PLEKHM3: variants seen among roughly 807,000 people sequenced by gnomAD.
PLEKHM3 encodes the protein pleckstrin homology domain containing M3, also known as pleckstrin homology domain-containing family M member 3.
A neutral mutation model predicts 81.8 loss-of-function variants in PLEKHM3; 45 were observed. The observed-to-expected ratio is 0.55, with a 90% confidence interval of 0.43 to 0.71. The LOEUF (loss-of-function observed/expected upper bound fraction) is 0.71, where lower values mean the gene tolerates loss of function less well. Among genes scored for constraint, PLEKHM3 ranks in the 30% least tolerant of loss-of-function variants. PLEKHM3 has a pLI of 0.00. For synonymous variants in PLEKHM3, 352 were observed against 356.4 expected (o/e 0.99, Z 0.14); for missense variants, 788 against 924.3 (o/e 0.85, Z 1.91).
chr2:207,947,667 A>G (rs183359992), intron 3 of PLEKHM3, among the ~76,000 whole-genome samples: 251 of 152,340 alleles, frequency 1.6e-3, no homozygotes, highest in Non-Finnish European at 2.9e-3. Context: ...CACTAAGCCT[A>G]TTTCATGAAG....
At chr2:207,938,557 T>C (rs927386717) in intron 4 of PLEKHM3, among the ~76,000 whole-genome samples, 3 of 152,182 alleles carry the variant, frequency 2.0e-5, no homozygotes, top group African/African-American at 7.2e-5. Flanking sequence ...TCCTCACAAT[T>C]AGGAGAATTA....
At chr2:207,908,717 G>A in intron 5 of PLEKHM3, 140 bp from the exon 6 acceptor site, 1 of 652,206 alleles carries the variant, frequency 1.5e-6, no homozygotes, top group Non-Finnish European at 2.6e-6. Flanking sequence ...GCCCTCTGAG[G>A]AACCTGTAAT....
Position 207,827,436 on chromosome 2 carries a change from TC to T in PLEKHM3, c.*882del, listed in dbSNP as rs1309779285. 6.6e-6 allele frequency: 1 copy of T among 151,988 alleles called. No individual in the cohort carries two copies. Among genetic ancestry groups the T allele is most frequent in the Non-Finnish European group, 1.5e-5 (1 of 68,042 alleles). 9.4% of individuals were successfully genotyped at this position (151,988 alleles called of 1,614,324 possible). ...TTAACAACCACCCCAGGACATTTCC[TC>T]CGGCCAGCATCATGAAAAAAATCAT... is the stretch of plus-strand genomic sequence containing the variant. On this transcript the variant is annotated 3_prime_UTR_variant, in exon 8 of 8. Coordinates refer to ENST00000427836, the MANE Select transcript of PLEKHM3 (RefSeq NM_001080475.3).
intron 7 of PLEKHM3, among the ~76,000 whole-genome samples, chr2:207,855,513 C>T (rs181282140): frequency 1.8e-4 from 27 of 152,296 alleles, no homozygotes; most frequent in Non-Finnish European, 3.8e-4. Flanking sequence ...GCTCCCCACT[C>T]CTTAAGTGTG....
At chr2:207,890,371 T>C (rs771628966) in intron 6 of PLEKHM3, among the ~76,000 whole-genome samples, 21 of 151,984 alleles carry the variant, frequency 1.4e-4, no homozygotes, top group Non-Finnish European at 2.9e-4. Flanking sequence ...CTCACGCCTG[T>C]AATCCCAGCA....
chr2:207,976,941 T>C lies in PLEKHM3; in HGVS notation c.1256A>G (p.Asp419Gly). 3 of 1,614,204 alleles carry C rather than the reference T, an allele frequency of 1.9e-6. No individual in the cohort carries two copies. Among genetic ancestry groups the C allele is most frequent in the Non-Finnish European group, 2.5e-6 (3 of 1,180,036 alleles). The change falls in exon 3 of 8, where the codon GAT becomes GGT. Residue 419 changes from aspartate (D) to glycine (G), a missense_variant. Transcript: ENST00000427836. The surrounding 1 kb of genome is among the most constrained non-coding windows in gnomAD (Gnocchi z 4.1). ...GACTTGAAAGCAAGAGTCGCAGCCATCCAGGTTGTCCATCTGGACAGCCAG... is the reference window on the plus strand; with the variant it reads ...GACTTGAAAGCAAGAGTCGCAGCCACCCAGGTTGTCCATCTGGACAGCCAG... The part of the protein sequence containing the change: ...VCLAVQMDNL[D>G]GCDSCFQVIF...
intron 5 of PLEKHM3, among the ~76,000 whole-genome samples, chr2:207,914,178 C>T (rs953950342): frequency 3.3e-5 from 5 of 151,912 alleles, no homozygotes; most frequent in African/African-American, 9.7e-5. Context: ...CATAGCAAGA[C>T]CCTATCTCTA....
intron 7 of PLEKHM3, among the ~76,000 whole-genome samples, chr2:207,854,202 G>A (rs1379665444): frequency 6.6e-6 from 1 of 152,144 alleles, no homozygotes; most frequent in Non-Finnish European, 1.5e-5. Flanking sequence ...AGGGTATGTG[G>A]TAACAAATTC....
intron 3 of PLEKHM3, among the ~76,000 whole-genome samples, chr2:207,965,635 TA>T (rs1302493091): frequency 1.3e-5 from 2 of 152,240 alleles, no homozygotes; most frequent in Non-Finnish European, 2.9e-5. Context: ...TGAAATAGTT[TA>T]AAACACAAAT....
At chr2:207,949,821 T>C (rs1333577711) in intron 3 of PLEKHM3, among the ~76,000 whole-genome samples, 1 of 152,222 alleles carries the variant, frequency 6.6e-6, no homozygotes, top group East Asian at 1.9e-4. Context: ...AAGCATTTGC[T>C]GGATATTTAT....
intron 6 of PLEKHM3, 58 bp downstream of exon 6, chr2:207,908,456 A>G (rs1574394997): frequency 8.6e-6 from 13 of 1,512,286 alleles, no homozygotes; most frequent in Non-Finnish European, 1.2e-5. Context: ...GACCAAAGTC[A>G]ACAAAGAGAC....
At chr2:207,930,033 G>A (rs1252506045) in intron 5 of PLEKHM3, 4 of 574,674 alleles carry the variant, frequency 7.0e-6, no homozygotes, top group Admixed American at 2.9e-5. Context: ...ATATGCCAAG[G>A]GTGAGACTTT....
intron 2 of PLEKHM3, among the ~76,000 whole-genome samples, chr2:207,983,898 C>G (rs72969822): frequency 0.12 from 17,576 of 152,204 alleles, 1,137 homozygotes; most frequent in Non-Finnish European, 0.13. Context: ...GTTGAGTCCT[C>G]CTCCTTCCTG....
chr2:207,865,028 T>C (rs2092487781), intron 6 of PLEKHM3, among the ~76,000 whole-genome samples: 1 of 152,240 alleles, frequency 6.6e-6, no homozygotes, highest in African/African-American at 2.4e-5. Context: ...GAATTTCCAT[T>C]GATGCTAATT....
chr2:207,980,774 T>C (rs1691494774), intron 2 of PLEKHM3, among the ~76,000 whole-genome samples: 1 of 152,096 alleles, frequency 6.6e-6, no homozygotes, highest in Non-Finnish European at 1.5e-5. Context: ...TTTCACCATA[T>C]TGCCAAGGCT....
chr2:207,929,517 T>G (rs760624400), intron 5 of PLEKHM3, among the ~76,000 whole-genome samples: 1 of 152,226 alleles, frequency 6.6e-6, no homozygotes, highest in Non-Finnish European at 1.5e-5. Flanking sequence ...GAACATACTT[T>G]GAACATTAAA....
At chr2:207,974,918 G>A (rs191442704) in intron 3 of PLEKHM3, among the ~76,000 whole-genome samples, 102 of 149,968 alleles carry the variant, frequency 6.8e-4, no homozygotes, top group Middle Eastern at 3.4e-3. Context: ...TGAAACCTCC[G>A]CCTCCCAGGT....
chr2:207,921,952 C>A (rs550561115), intron 5 of PLEKHM3, among the ~76,000 whole-genome samples: 8 of 152,292 alleles, frequency 5.3e-5, no homozygotes, highest in Admixed American at 4.6e-4. Flanking sequence ...ATAAGGGGAG[C>A]AGATATCCAT....
chr2:207,828,405 G>C lies in PLEKHM3; in HGVS notation c.2200C>G (p.Gln734Glu), dbSNP rs773072356. The C allele has an allele frequency of 6.2e-7, 1 of 1,614,072 alleles. No homozygotes were observed. The highest frequency in any genetic ancestry group is 8.5e-7 in the Non-Finnish European group (1 of 1,180,026). ...TTCAGTCTCTGCCAGAAAGACTTCT[G>C]CTTCTTCTGCAGCTCTCGGCGAACA... ...RCVRRELQKK[Q>E]KSFWQRLNMD... Residue 734 changes from glutamine to glutamate, a missense_variant, in exon 8 of 8, where the codon CAG becomes GAG. Physicochemically the swap from Gln to Glu is conservative, Grantham distance 29. Coordinates refer to ENST00000427836, the MANE Select transcript of PLEKHM3 (RefSeq NM_001080475.3).
Sources: allele counts gnomAD v4.1 joint callset (sites outside exome capture counted in the v4.1 genomes callset), GRCh38; gene constraint gnomAD v4.1.1; non-coding constraint Gnocchi (gnomAD v3.1); transcripts MANE v1.5; gene names NCBI Gene and HGNC (gene_info 2026-07-23, HGNC 2026-07-21).